Variants in PKN2 observed in about 807,000 individuals in gnomAD.
The protein encoded by PKN2 is serine/threonine-protein kinase N2.
Under a neutral mutation model 119.1 loss-of-function variants are expected in PKN2, and 38 were observed. That is an observed-to-expected ratio of 0.32 (90% CI 0.25 to 0.42). The LOEUF is 0.42. Ranked by LOEUF, PKN2 falls within the 10% of genes least tolerant of loss-of-function variation. PKN2 has a pLI of 1.00. For synonymous variants in PKN2, 390 were observed against 384.9 expected, an observed-to-expected ratio of 1.01 and a Z score of -0.15; for missense variants, 850 against 1,165.1, an observed-to-expected ratio of 0.73 and a Z score of 3.94.
intron 1 of PKN2, among the ~76,000 whole-genome samples, chr1:88,729,799 C>T (rs1300274142): frequency 6.6e-6 from 1 of 150,910 alleles, no homozygotes; most frequent in Non-Finnish European, 1.5e-5. Flanking sequence ...CATAGCTTCG[C>T]AACATGTTGC....
At chr1:88,720,294 A>G (rs1232115822) in intron 1 of PKN2, among the ~76,000 whole-genome samples, 1 of 152,136 alleles carries the variant, frequency 6.6e-6, no homozygotes, top group African/African-American at 2.4e-5. Context: ...CCTTAGGATT[A>G]CAGGTGTGAG....
intron 15 of PKN2, among the ~76,000 whole-genome samples, chr1:88,808,012 C>G (rs1027256475): frequency 1.3e-5 from 2 of 151,896 alleles, no homozygotes; most frequent in East Asian, 3.9e-4. Context: ...AATGTTTGAA[C>G]TAATTTTGTT....
intron 1 of PKN2, among the ~76,000 whole-genome samples, chr1:88,695,894 T>G (rs1247479819): frequency 6.6e-6 from 1 of 152,168 alleles, no homozygotes; most frequent in Non-Finnish European, 1.5e-5. Flanking sequence ...ATTTCTTTCT[T>G]TTTTAAAGAA....
chr1:88,770,012 G>T (rs1669817019), intron 3 of PKN2, among the ~76,000 whole-genome samples: 1 of 152,128 alleles, frequency 6.6e-6, no homozygotes, highest in Non-Finnish European at 1.5e-5. Context: ...AAATTTGTTT[G>T]CCTGTAATAA....
intron 16 of PKN2, 88 bp from the exon 17 acceptor site, chr1:88,821,853 T>G: frequency 1.0e-6 from 1 of 954,642 alleles, no homozygotes; most frequent in Non-Finnish European, 1.5e-6. Context: ...AAATTAATGA[T>G]AGGTCTGCTT....
At chr1:88,789,024 A>G (rs529260497) in intron 8 of PKN2, among the ~76,000 whole-genome samples, 1 of 152,318 alleles carries the variant, frequency 6.6e-6, no homozygotes, top group South Asian at 2.1e-4. Flanking sequence ...TTAGAAACAG[A>G]GAAGAGCCCT....
intron 6 of PKN2, among the ~76,000 whole-genome samples, chr1:88,775,248 G>C (rs945102300): frequency 6.6e-6 from 1 of 152,130 alleles, no homozygotes; most frequent in Non-Finnish European, 1.5e-5. Flanking sequence ...ACAGGCATGA[G>C]CTACTTATGC....
intron 1 of PKN2, among the ~76,000 whole-genome samples, chr1:88,735,444 G>A (rs1668299779): frequency 6.8e-6 from 1 of 147,186 alleles, no homozygotes. Flanking sequence ...TTACAGATGT[G>A]AACCATTGTT....
chr1:88,684,968 C>A (rs1324537503), intron 1 of PKN2: 2 of 257,154 alleles, frequency 7.8e-6, no homozygotes, highest in South Asian at 1.2e-4. Flanking sequence ...CAGAGCTACC[C>A]GCGAACGCCC....
At chr1:88,812,577 C>CA (rs903880107) in intron 15 of PKN2, among the ~76,000 whole-genome samples, 3 of 151,860 alleles carry the variant, frequency 2.0e-5, no homozygotes, top group Non-Finnish European at 4.4e-5. Flanking sequence ...CTGTTCCTAT[C>CA]AAAAAAATAA....
At chr1:88,829,014 C>T (rs1672620111) in intron 19 of PKN2, 1 of 642,542 alleles carries the variant, frequency 1.6e-6, no homozygotes, top group South Asian at 1.5e-5. Context: ...CTCCAGACTT[C>T]CGTCTGAGCA....
chr1:88,792,201 T>C (rs1341389682), intron 8 of PKN2, among the ~76,000 whole-genome samples: 2 of 152,080 alleles, frequency 1.3e-5, no homozygotes, highest in African/African-American at 4.8e-5. Flanking sequence ...GGTCGGGAGT[T>C]CAAGACCAGC....
At chr1:88,691,185 T>G (rs1666321648) in intron 1 of PKN2, among the ~76,000 whole-genome samples, 1 of 152,060 alleles carries the variant, frequency 6.6e-6, no homozygotes, top group Non-Finnish European at 1.5e-5. Flanking sequence ...CATCTCAGCC[T>G]CCCAAGTAGC....
intron 19 of PKN2, among the ~76,000 whole-genome samples, chr1:88,828,838 GTTCC>G (rs1672611809): frequency 6.6e-6 from 1 of 151,994 alleles, no homozygotes; most frequent in African/African-American, 2.4e-5. Flanking sequence ...TTTGAAAATA[GTTCC>G]TTGTATTTCA....
chr1:88,813,305 C>T (rs767787842), intron 15 of PKN2, among the ~76,000 whole-genome samples: 4 of 152,054 alleles, frequency 2.6e-5, no homozygotes, highest in Non-Finnish European at 5.9e-5. Context: ...AACCACTAAC[C>T]ATGTATGTGC....
chr1:88,687,164 TAAG>T (rs904457285), intron 1 of PKN2, among the ~76,000 whole-genome samples: 2 of 152,134 alleles, frequency 1.3e-5, no homozygotes, highest in African/African-American at 4.8e-5. Context: ...AAAGGCAAAG[TAAG>T]AAAATCTGAA....
At chr1:88,737,561 C>T (rs1668404644) in intron 1 of PKN2, among the ~76,000 whole-genome samples, 2 of 152,156 alleles carry the variant, frequency 1.3e-5, no homozygotes, top group African/African-American at 4.8e-5. Flanking sequence ...CCAATCAGGC[C>T]CATACCACTG....
chr1:88,724,608 G>A (rs977627217), intron 1 of PKN2, among the ~76,000 whole-genome samples: 3 of 146,238 alleles, frequency 2.1e-5, no homozygotes, highest in African/African-American at 7.8e-5. Flanking sequence ...GTCTTGCTCT[G>A]TCACCCAGGC....
chr1:88,804,291 T>G, intron 8 of PKN2, 100 bp from the exon 9 acceptor site: 2 of 937,758 alleles, frequency 2.1e-6, no homozygotes, highest in Non-Finnish European at 3.2e-6. Context: ...TAATTTTTGT[T>G]TATTGTATTT....
Sources: gnomAD v4.1 joint callset for allele counts (sites outside exome capture counted in the v4.1 genomes callset) on GRCh38, gnomAD v4.1.1 for gene constraint, MANE v1.5 for transcripts, NCBI Gene and HGNC (gene_info 2026-07-23, HGNC 2026-07-21) for gene names.